Variants in ATP2C2 observed in about 807,000 individuals in gnomAD.
ATP2C2 encodes calcium-transporting ATPase type 2C member 2.
ATP2C2 carries 171 observed loss-of-function variants against 110.8 expected under a neutral mutation model. The observed-to-expected ratio is 1.54, with a 90% confidence interval of 1.36 to 1.75. ATP2C2 has a LOEUF of 1.75. ATP2C2 is among the 40% of genes most tolerant of loss of function. ATP2C2 has a pLI of 0.00. For missense variants in ATP2C2, 1,963 were observed against 1,235.0 expected (o/e 1.59, Z -8.84); for synonymous variants, 804 against 508.4 (o/e 1.58, Z -7.82).
intron 1 of ATP2C2, among the ~76,000 whole-genome samples, chr16:84,383,980 G>A (rs1031796290): frequency 6.6e-6 from 1 of 151,884 alleles, no homozygotes; most frequent in Non-Finnish European, 1.5e-5. Flanking sequence ...GTAGAGACTG[G>A]GTTTCACGCT....
At chr16:84,447,689 T>TAATATATATTATGTAATATATATTA (rs1909874926) in intron 16 of ATP2C2, among the ~76,000 whole-genome samples, 2 of 145,818 alleles carry the variant, frequency 1.4e-5, no homozygotes, top group African/African-American at 5.0e-5. Flanking sequence ...ATATATTATT[T>TAATATATATTATGTAATATATATTA]AATATATATT....
intron 7 of ATP2C2, among the ~76,000 whole-genome samples, chr16:84,419,826 C>G (rs148667019): frequency 3.9e-5 from 6 of 152,258 alleles, no homozygotes; most frequent in Admixed American, 1.3e-4. Context: ...TAAATCTACT[C>G]GTGACAAGTA....
chr16:84,413,122 C>G (rs1293217676), intron 6 of ATP2C2, among the ~76,000 whole-genome samples: 1 of 150,960 alleles, frequency 6.6e-6, no homozygotes, highest in African/African-American at 2.4e-5. Flanking sequence ...AAAAGTATCT[C>G]ATGGTCTGGG....
intron 13 of ATP2C2, among the ~76,000 whole-genome samples, chr16:84,440,165 C>T (rs1266665433): frequency 6.6e-6 from 1 of 152,196 alleles, no homozygotes; most frequent in African/African-American, 2.4e-5. Flanking sequence ...CAGGGTCTTG[C>T]TGTGTCGCCC....
At chr16:84,438,931 T>C (rs1597836807) in intron 11 of ATP2C2, 1 of 485,170 alleles carries the variant, frequency 2.1e-6, no homozygotes, top group East Asian at 3.5e-5. Flanking sequence ...CATTAAGGTG[T>C]GGATGACTGA....
chr16:84,449,060 A>G (rs1031302206), intron 17 of ATP2C2, among the ~76,000 whole-genome samples: 3 of 152,048 alleles, frequency 2.0e-5, no homozygotes, highest in African/African-American at 7.3e-5. Context: ...TCCCTTAGCC[A>G]TTTTCAATTT....
chr16:84,419,795 G>C (rs1907167392), intron 7 of ATP2C2, among the ~76,000 whole-genome samples: 1 of 152,136 alleles, frequency 6.6e-6, no homozygotes, highest in Non-Finnish European at 1.5e-5. Context: ...TGAGTTTATA[G>C]CCCAGAGTGA....
At chr16:84,448,395 C>A in intron 16 of ATP2C2, 138 bp from the exon 17 acceptor site, 3 of 1,104,668 alleles carry the variant, frequency 2.7e-6, no homozygotes, top group Non-Finnish European at 3.8e-6. Flanking sequence ...CACCTGTGAA[C>A]AGCACCAGCC....
At chr16:84,380,564 T>C (rs1431275938) in intron 1 of ATP2C2, among the ~76,000 whole-genome samples, 1 of 152,328 alleles carries the variant, frequency 6.6e-6, no homozygotes, top group Non-Finnish European at 1.5e-5. Context: ...ATCAGGTCAC[T>C]GTTTGCTTGG....
Position 84,461,790 on chromosome 16 carries a change from A to G in ATP2C2, c.2558A>G (p.Asn853Ser). ...FTCFVFFDLFNALTCRSQTKL... is the reference protein window; with the variant it reads ...FTCFVFFDLFSALTCRSQTKL... ...TGTTTTGTGTTTTTCGATCTCTTCA[A>G]CGCCTTGACCTGCCGCTCTCAGGTG... The change falls in exon 25 of 27, where the codon AAC (asparagine) becomes AGC (serine). Residue 853 changes from asparagine (N) to serine (S), a missense_variant. Physicochemically the swap from Asn to Ser is conservative, Grantham distance 46. Transcript: ENST00000262429. 2 of 1,614,114 alleles carry G rather than the reference A, an allele frequency of 1.2e-6. No homozygotes were observed. The highest frequency in any genetic ancestry group is 1.1e-5 in the South Asian group (1 of 91,086).
In ATP2C2 at chr16:84,448,694, G is replaced by C. The variant is rs765593636; in HGVS notation, c.1660+5G>C. ...TGGGGTCGCTCGGTTTGCGGGGTCA[G>C]TGCCTGTGGTCCCGGCCCAGAGCTT... On this transcript the variant is annotated splice_donor_5th_base_variant and intron_variant, in intron 17 of 26. Coordinates refer to ENST00000262429, the MANE Select transcript of ATP2C2 (RefSeq NM_014861.4). The C allele has an allele frequency of 1.9e-6, 3 of 1,608,522 alleles. No individual in the cohort carries two copies. The highest frequency in any genetic ancestry group is 2.7e-5 in the African/African-American group (2 of 74,762).
chr16:84,428,258 G>A (rs1165077738), intron 11 of ATP2C2, among the ~76,000 whole-genome samples: 2 of 152,206 alleles, frequency 1.3e-5, no homozygotes, highest in African/African-American at 4.8e-5. Context: ...TGGCTCTGGT[G>A]CATAGTCAGG....
At chr16:84,370,565 A>G (rs1289401567) in intron 1 of ATP2C2, among the ~76,000 whole-genome samples, 2 of 150,316 alleles carry the variant, frequency 1.3e-5, no homozygotes. Flanking sequence ...AGACCTGAAC[A>G]CCTCCTTTGC....
At chr16:84,408,648 T>C (rs984130365) in intron 4 of ATP2C2, among the ~76,000 whole-genome samples, 154 bp downstream of exon 4, 1 of 152,020 alleles carries the variant, frequency 6.6e-6, no homozygotes, top group African/African-American at 2.4e-5. Flanking sequence ...CACATCCTTC[T>C]TTACCCTAAT....
chr16:84,432,965 G>A lies in ATP2C2; in HGVS notation c.987-6201G>A, dbSNP rs950147471. Among the ~76,000 whole-genome samples, 5 of 152,220 alleles carry A rather than the reference G, an allele frequency of 3.3e-5. No homozygotes were observed. In the South Asian group the frequency reaches 8.3e-4, roughly 25 times the overall value. On this transcript the variant is annotated intron_variant, in intron 11 of 26. Transcript: ENST00000262429. ...GACCAGGAAAGAGGCCAAGACACCC[G>A]AACAGCATTCTCAGGTGACTGAGCC... is the stretch of plus-strand genomic sequence containing the variant.
intron 17 of ATP2C2, among the ~76,000 whole-genome samples, chr16:84,450,670 G>T (rs547061822): frequency 6.6e-6 from 1 of 152,134 alleles, no homozygotes; most frequent in East Asian, 1.9e-4. Context: ...TTTGGTGTCA[G>T]TGAGGGGGCA....
At chr16:84,402,311 T>C (rs1905377837) in intron 2 of ATP2C2, among the ~76,000 whole-genome samples, 1 of 152,210 alleles carries the variant, frequency 6.6e-6, no homozygotes, top group African/African-American at 2.4e-5. Context: ...ATGCCCTTTA[T>C]TTTTTACTCT....
intron 24 of ATP2C2, 143 bp downstream of exon 24, chr16:84,460,944 G>C: frequency 8.2e-7 from 1 of 1,224,118 alleles, no homozygotes. Context: ...GCCATCAGAG[G>C]CGTGGGGTGC....
chr16:84,449,460 TA>T (rs1320406312), intron 17 of ATP2C2, among the ~76,000 whole-genome samples: 1 of 152,212 alleles, frequency 6.6e-6, no homozygotes, highest in Non-Finnish European at 1.5e-5. Flanking sequence ...ACAATAGGCT[TA>T]CAGGTAAATA....
Sources: allele counts gnomAD v4.1 joint callset (sites outside exome capture counted in the v4.1 genomes callset), GRCh38; gene constraint gnomAD v4.1.1; transcripts MANE v1.5; gene names NCBI Gene and HGNC (gene_info 2026-07-23, HGNC 2026-07-21).